The following SLC39A12 variants were observed in gnomAD, a reference collection of about 807,000 sequenced individuals.
SLC39A12 encodes solute carrier family 39 member 12, also known as zinc transporter ZIP12.
SLC39A12 carries 63 observed loss-of-function variants against 71.1 expected under a neutral mutation model. That is an observed-to-expected ratio of 0.89 (90% confidence interval 0.72 to 1.09). The LOEUF (loss-of-function observed/expected upper bound fraction) is 1.09, where lower values mean the gene tolerates loss of function less well. Among genes scored for constraint, SLC39A12 ranks in the 50% least tolerant of loss-of-function variants. The pLI is 0.00. For missense variants in SLC39A12, 892 were observed against 812.6 expected, an observed-to-expected ratio of 1.10 and a Z score of -1.19; for synonymous variants, 351 against 301.3, an observed-to-expected ratio of 1.16 and a Z score of -1.71.
intron 8 of SLC39A12, among the ~76,000 whole-genome samples, chr10:17,992,321 C>A (rs1835575604): frequency 6.6e-6 from 1 of 152,078 alleles, no homozygotes; most frequent in African/African-American, 2.4e-5. Flanking sequence ...ATTCTTTCAG[C>A]TTTCTATATA....
In SLC39A12 at chr10:17,961,900, G is replaced by C. The variant is rs782292023; in HGVS notation, c.543+38G>C. On this transcript the variant is annotated intron_variant, in intron 3 of 12. Coordinates refer to ENST00000377369, the MANE Select transcript of SLC39A12 (RefSeq NM_001145195.2). ...AATTGCTAACTGGCTCTGCTGCTAA[G>C]ATACAGTTCTAGAGCCTTATTGTTT... 7 of 1,585,002 alleles carry C rather than the reference G, an allele frequency of 4.4e-6. No individual in the cohort carries two copies. The African/African-American group carries it at 9.5e-5, about 21-fold the overall frequency.
rs761715447 is a variant in SLC39A12 at position 17,991,230 on chromosome 10, G to C, written c.1349G>C (p.Gly450Ala). The change falls in exon 8 of 13, where the codon GGA becomes GCA. Residue 450 changes from glycine to alanine, a missense_variant. Coordinates refer to ENST00000377369, the MANE Select transcript of SLC39A12 (RefSeq NM_001145195.2). ...AAAGGTCATATTTGGAAACTGATGGGATTAATTGGAGGCATCCATGGATTT... is the reference window on the plus strand; with the variant it reads ...AAAGGTCATATTTGGAAACTGATGGCATTAATTGGAGGCATCCATGGATTT... The part of the protein sequence containing the change: ...ESKGHIWKLM[G>A]LIGGIHGFFL... The C allele has an allele frequency of 2.5e-6, 4 of 1,599,032 alleles. No homozygotes were observed. The South Asian group carries it at 3.5e-5, about 14-fold the overall frequency.
At chr10:18,011,450 T>C (rs1315855447) in intron 12 of SLC39A12, among the ~76,000 whole-genome samples, 1 of 152,204 alleles carries the variant, frequency 6.6e-6, no homozygotes, top group African/African-American at 2.4e-5. Flanking sequence ...AAGAATACTG[T>C]ATATAATACA....
chr10:18,031,736 TG>T (rs1836855748), intron 12 of SLC39A12, among the ~76,000 whole-genome samples: 1 of 117,986 alleles, frequency 8.5e-6, no homozygotes, highest in Non-Finnish European at 1.7e-5. Flanking sequence ...GCCTATGTCC[TG>T]AATGGTAATG....
intron 12 of SLC39A12, among the ~76,000 whole-genome samples, chr10:18,029,125 C>T (rs1436077672): frequency 6.6e-6 from 1 of 152,156 alleles, no homozygotes; most frequent in Non-Finnish European, 1.5e-5. Flanking sequence ...CCCACCTCGG[C>T]CTCCCAAAGT....
At position 18,000,517 on chromosome 10, in the gene SLC39A12, C is replaced by A; in HGVS notation, c.1601-150C>A. Reference sequence around the variant, plus strand: ...TGGTTATCACACTTGAATCTCTAGTCCTGACTTTTGCGGAAACAAAGTGAT... The same window carrying A: ...TGGTTATCACACTTGAATCTCTAGTACTGACTTTTGCGGAAACAAAGTGAT... On this transcript the variant is annotated intron_variant, in intron 10 of 12. Coordinates refer to ENST00000377369, the MANE Select transcript of SLC39A12 (RefSeq NM_001145195.2). 5.6e-6 allele frequency: 4 copies of A among 714,796 alleles called. No homozygotes were observed. In the East Asian group the frequency reaches 7.8e-5, roughly 14 times the overall value. 44.3% of individuals were successfully genotyped at this position (714,796 alleles called of 1,614,324 possible).
At chr10:17,992,088 C>CAAAAAA (rs59014549) in intron 8 of SLC39A12, among the ~76,000 whole-genome samples, 20 of 87,220 alleles carry the variant, frequency 2.3e-4, no homozygotes, top group African/African-American at 5.1e-4. Flanking sequence ...GACTCCATCT[C>CAAAAAA]AAAAAAAAAA....
chr10:17,987,596 TG>T lies in SLC39A12; in HGVS notation c.1217del (p.Gly406AlafsTer43), dbSNP rs1835433635. The T allele has an allele frequency of 6.2e-7, 1 of 1,614,100 alleles. No homozygotes were observed. The highest frequency in any genetic ancestry group is 8.5e-7 in the Non-Finnish European group (1 of 1,180,056). ...TACAGGCTTATCTTACAGCTGTTTG[TG>T]GGCTTGGCCGTCGGGACACTGTCTG... ...ENYRLILQLF[V>X]GLAVGTLSGD... On this transcript the variant is annotated frameshift_variant, in exon 7 of 13. Transcript: ENST00000377369. LOFTEE classifies it high-confidence loss of function.
intron 12 of SLC39A12, among the ~76,000 whole-genome samples, chr10:18,034,204 C>G (rs1441527666): frequency 6.6e-6 from 1 of 151,450 alleles, no homozygotes. Context: ...CCTGGGTATC[C>G]TTGTTGACTT....
intron 12 of SLC39A12, among the ~76,000 whole-genome samples, chr10:18,036,319 C>G (rs529530122): frequency 6.6e-6 from 1 of 152,186 alleles, no homozygotes; most frequent in South Asian, 2.1e-4. Context: ...GCGTAGGACC[C>G]TCCGAGCCAG....
intron 4 of SLC39A12, among the ~76,000 whole-genome samples, chr10:17,974,510 C>T (rs114002563): frequency 0.014 from 2,103 of 152,272 alleles, 43 homozygotes; most frequent in African/African-American, 0.044. Flanking sequence ...CTGTTAACAC[C>T]GTAGTTCTTG....
chr10:17,972,131 C>G (rs1327428512), intron 4 of SLC39A12, among the ~76,000 whole-genome samples: 2 of 152,076 alleles, frequency 1.3e-5, no homozygotes, highest in South Asian at 2.1e-4. Flanking sequence ...CATATATTTG[C>G]ATAGTTTTCA....
rs529530122 is a variant in SLC39A12, at chr10:18,036,319, C to T, written c.1948-6386C>T. Among the ~76,000 whole-genome samples the T allele has an allele frequency of 8.5e-4, 130 of 152,304 alleles. 1 individual carries two copies. The highest frequency in any genetic ancestry group is 2.9e-3 in the African/African-American group (122 of 41,586). On this transcript the variant is annotated intron_variant, in intron 12 of 12. Coordinates refer to ENST00000377369, the MANE Select transcript of SLC39A12 (RefSeq NM_001145195.2). ...AGTGAGACTCCGTGGGCGTAGGACC[C>T]TCCGAGCCAGGTGTGGGATATAATC...
At chr10:18,024,802 C>A (rs1270214499) in intron 12 of SLC39A12, among the ~76,000 whole-genome samples, 1 of 152,160 alleles carries the variant, frequency 6.6e-6, no homozygotes, top group Non-Finnish European at 1.5e-5. Context: ...TAGGTACATA[C>A]ACATTAAGGA....
chr10:18,022,607 C>G (rs1836564039), intron 12 of SLC39A12, among the ~76,000 whole-genome samples: 1 of 152,116 alleles, frequency 6.6e-6, no homozygotes, highest in African/African-American at 2.4e-5. Flanking sequence ...TTGTTGCTAT[C>G]CAGATTCTCA....
At chr10:17,965,765 C>T (rs954056547) in intron 4 of SLC39A12, 75 bp downstream of exon 4, 2 of 1,167,682 alleles carry the variant, frequency 1.7e-6, no homozygotes, top group Admixed American at 4.3e-5. Context: ...AAGGCCAAAG[C>T]TCTTGATGAC....
intron 12 of SLC39A12, among the ~76,000 whole-genome samples, chr10:18,024,416 G>A (rs1257750619): frequency 6.6e-6 from 1 of 152,134 alleles, no homozygotes; most frequent in Non-Finnish European, 1.5e-5. Flanking sequence ...CATGGAAGAA[G>A]AGTGGGTCCC....
intron 2 of SLC39A12, among the ~76,000 whole-genome samples, chr10:17,955,963 C>G (rs567624558): frequency 6.6e-6 from 1 of 152,240 alleles, no homozygotes; most frequent in South Asian, 2.1e-4. Context: ...GAAAAGGGCC[C>G]TTTTCTGGCA....
chr10:17,996,245 T>A (rs1835679986), intron 10 of SLC39A12, among the ~76,000 whole-genome samples: 1 of 125,892 alleles, frequency 7.9e-6, no homozygotes. Context: ...CAAAGCTTGA[T>A]GTTTTTTCTA....
Sources: allele counts gnomAD v4.1 joint callset (sites outside exome capture counted in the v4.1 genomes callset), GRCh38; gene constraint gnomAD v4.1.1; transcripts MANE v1.5; gene names NCBI Gene and HGNC (gene_info 2026-07-23, HGNC 2026-07-21).